Variants in LPA observed in about 807,000 individuals in gnomAD.
The protein encoded by LPA is lipoprotein(a).
A neutral mutation model predicts 197.9 loss-of-function variants in LPA; 199 were observed. The ratio of observed to expected loss-of-function variants is 1.01; its 90% CI spans 0.90 to 1.13. The LOEUF is 1.13. Ranked by LOEUF, LPA falls within the 50% of genes most tolerant of loss-of-function variation. The pLI is 0.00. For missense variants in LPA, 1,853 were observed against 1,785.8 expected, an observed-to-expected ratio of 1.04 and a Z score of -0.68; for synonymous variants, 715 against 639.5, an observed-to-expected ratio of 1.12 and a Z score of -1.78.
chr6:160,578,780 C>T (rs1245389056), intron 26 of LPA, 76 bp from the exon 27 acceptor site: 1 of 1,606,532 alleles, frequency 6.2e-7, no homozygotes, highest in Non-Finnish European at 8.5e-7. Context: ...CTACATTTTG[C>T]TGTAACAAAG....
intron 1 of LPA, among the ~76,000 whole-genome samples, chr6:160,661,319 G>T (rs1227897804): frequency 6.7e-6 from 1 of 149,124 alleles, no homozygotes; most frequent in East Asian, 1.9e-4. Context: ...AAGAGCAGTG[G>T]GGGTGGCAGC....
At chr6:160,592,356 A>G (rs981025147) in intron 22 of LPA, among the ~76,000 whole-genome samples, 1 of 152,124 alleles carries the variant, frequency 6.6e-6, no homozygotes, top group Non-Finnish European at 1.5e-5. Context: ...CTCATTACAG[A>G]TATAACTTTT....
intron 1 of LPA, among the ~76,000 whole-genome samples, chr6:160,657,399 T>A (rs1409512546): frequency 5.8e-4 from 4 of 6,856 alleles, no homozygotes; most frequent in African/African-American, 5.4e-3. Flanking sequence ...CTATTATAAC[T>A]TTTTTTTTTT....
chr6:160,570,828 C>T lies in LPA; in HGVS notation c.4631+6308G>A, dbSNP rs62441905. Among the ~76,000 whole-genome samples, 437 of 152,226 alleles carry T rather than the reference C, an allele frequency of 2.9e-3. 2 individuals are homozygous for T. Among genetic ancestry groups the T allele is most frequent in the Non-Finnish European group, 3.4e-3 (232 of 68,018 alleles). Reference sequence around the variant, plus strand: ...GACGATTATGTGTCTTCAGGTTGCTCTTCTTGAGGAGTATCTTTGTGGTGT... The same window carrying T: ...GACGATTATGTGTCTTCAGGTTGCTTTTCTTGAGGAGTATCTTTGTGGTGT... On this transcript the variant is annotated intron_variant, in intron 28 of 38. Transcript: ENST00000316300.
chr6:160,593,279 C>G (rs1303316648), intron 22 of LPA, among the ~76,000 whole-genome samples: 1 of 152,184 alleles, frequency 6.6e-6, no homozygotes. Context: ...TTTTCTCAGG[C>G]CTGTCATGTC....
rs547173460 is a variant in LPA at position 160,641,057 on chromosome 6, T to A, written c.552-209A>T. 2.9e-5 allele frequency among the ~76,000 whole-genome samples: 4 copies of A among 139,580 alleles called. 1 individual carries two copies. The highest frequency in any genetic ancestry group is 1.1e-4 in the African/African-American group (4 of 35,022). 91.6% of individuals were successfully genotyped at this position (139,580 alleles called of 152,430 possible). ...CATACTTAATAGATTATTACTATTT[T>A]TTTAAATAAAAAATCTAAAGTAGCA... On this transcript the variant is annotated intron_variant, in intron 4 of 38. Coordinates refer to ENST00000316300, the MANE Select transcript of LPA (RefSeq NM_005577.4).
intron 21 of LPA, among the ~76,000 whole-genome samples, chr6:160,594,936 A>G (rs1253552888): frequency 6.6e-6 from 1 of 152,194 alleles, no homozygotes; most frequent in African/African-American, 2.4e-5. Flanking sequence ...TGACAGACTC[A>G]AAAACCGCAT....
chr6:160,646,937 G>T (rs565986187), intron 2 of LPA, among the ~76,000 whole-genome samples: 15 of 152,012 alleles, frequency 9.9e-5, no homozygotes, highest in African/African-American at 3.4e-4. Flanking sequence ...TCAAAACCTA[G>T]TGAAAAGGCT....
intron 28 of LPA, among the ~76,000 whole-genome samples, chr6:160,564,661 G>T (rs952857174): frequency 2.5e-4 from 38 of 152,208 alleles, no homozygotes; most frequent in Non-Finnish European, 1.2e-4. Flanking sequence ...CAGACAGTGG[G>T]TGCAGCCCAC....
At chr6:160,571,099 G>T (rs911125569) in intron 28 of LPA, among the ~76,000 whole-genome samples, 15 of 152,064 alleles carry the variant, frequency 9.9e-5, no homozygotes, top group African/African-American at 3.6e-4. Flanking sequence ...TTGTTTTCAC[G>T]CTTTACTTCA....
chr6:160,571,957 C>G (rs1778570388), intron 28 of LPA, among the ~76,000 whole-genome samples: 1 of 152,160 alleles, frequency 6.6e-6, no homozygotes, highest in Non-Finnish European at 1.5e-5. Context: ...TAGTGTCTGC[C>G]CAAATGCCAG....
At chr6:160,572,307 G>T (rs1426862340) in intron 28 of LPA, among the ~76,000 whole-genome samples, 1 of 143,504 alleles carries the variant, frequency 7.0e-6, no homozygotes, top group Non-Finnish European at 1.6e-5. Context: ...GCAGACTGGA[G>T]CTGTTCCTAT....
chr6:160,647,082 G>A (rs528413461), intron 2 of LPA, among the ~76,000 whole-genome samples: 1 of 152,192 alleles, frequency 6.6e-6, no homozygotes, highest in African/African-American at 2.4e-5. Context: ...GCAGAATGCA[G>A]TATCTCTAGA....
chr6:160,576,338 G>GTA (rs1778660305), intron 28 of LPA, among the ~76,000 whole-genome samples: 1 of 17,862 alleles, frequency 5.6e-5, no homozygotes, highest in Non-Finnish European at 8.2e-5. Flanking sequence ...GTGTGTGTGT[G>GTA]TGTATATATA....
chr6:160,541,873 T>G (rs1777986607), intron 34 of LPA, among the ~76,000 whole-genome samples: 1 of 152,136 alleles, frequency 6.6e-6, no homozygotes, highest in Non-Finnish European at 1.5e-5. Flanking sequence ...GAGCAAGAAG[T>G]TACAAACGAT....
intron 16 of LPA, among the ~76,000 whole-genome samples, chr6:160,607,804 A>C (rs1248135777): frequency 2.0e-5 from 3 of 152,118 alleles, no homozygotes; most frequent in African/African-American, 2.4e-5. Context: ...ACTCGTGACA[A>C]ATTTCTTTCT....
intron 16 of LPA, among the ~76,000 whole-genome samples, chr6:160,610,923 A>G (rs1779491435): frequency 1.3e-5 from 2 of 152,140 alleles, no homozygotes; most frequent in African/African-American, 4.8e-5. Flanking sequence ...TTATGGCCAA[A>G]TGATTGGCCA....
chr6:160,634,891 C>T (rs1232747790), intron 7 of LPA, among the ~76,000 whole-genome samples: 1 of 150,114 alleles, frequency 6.7e-6, no homozygotes, highest in Non-Finnish European at 1.5e-5. Flanking sequence ...GTTGTGAAGC[C>T]CATCACCCTG....
chr6:160,560,639 T>G (rs1156919624), intron 28 of LPA, among the ~76,000 whole-genome samples: 1 of 152,108 alleles, frequency 6.6e-6, no homozygotes, highest in Non-Finnish European at 1.5e-5. Context: ...TGGGGTTGTT[T>G]TTTTTTTCTT....
Sources: gnomAD v4.1 joint callset for allele counts (sites outside exome capture counted in the v4.1 genomes callset) on GRCh38, gnomAD v4.1.1 for gene constraint, MANE v1.5 for transcripts, NCBI Gene and HGNC (gene_info 2026-07-23, HGNC 2026-07-21) for gene names.